Variants in COL23A1 observed in about 807,000 individuals in gnomAD.
The protein encoded by COL23A1 is collagen type XXIII alpha 1 chain.
A neutral mutation model predicts 99.3 loss-of-function variants in COL23A1; 97 were observed. That is an observed-to-expected ratio of 0.98 (90% confidence interval 0.83 to 1.16). The LOEUF (loss-of-function observed/expected upper bound fraction) is 1.16, where lower values mean the gene tolerates loss of function less well. Ranked by LOEUF, COL23A1 falls within the 50% of genes most tolerant of loss-of-function variation. COL23A1 has a pLI of 0.00. For synonymous variants in COL23A1, 320 were observed against 308.2 expected (o/e 1.04, Z -0.40); for missense variants, 762 against 757.4 (o/e 1.01, Z -0.07).
chr5:178,318,904 A>G (rs895181411), intron 2 of COL23A1, among the ~76,000 whole-genome samples: 6 of 148,788 alleles, frequency 4.0e-5, no homozygotes, highest in African/African-American at 1.5e-4. Context: ...TTCATCTCCA[A>G]AAAAAAAAAA....
chr5:178,564,828 A>T (rs1762765898), intron 1 of COL23A1, among the ~76,000 whole-genome samples: 2 of 152,262 alleles, frequency 1.3e-5, no homozygotes. Context: ...GAGGAAATAC[A>T]GATTGACATA....
intron 2 of COL23A1, among the ~76,000 whole-genome samples, chr5:178,463,228 G>A (rs1756223922): frequency 6.6e-6 from 1 of 152,240 alleles, no homozygotes; most frequent in African/African-American, 2.4e-5. Flanking sequence ...GGCTAGGTAA[G>A]ATGCAAGTAA....
intron 2 of COL23A1, among the ~76,000 whole-genome samples, chr5:178,489,459 A>T (rs371204305): frequency 6.6e-6 from 1 of 152,238 alleles, no homozygotes; most frequent in Non-Finnish European, 1.5e-5. Context: ...ACAGCCTGTC[A>T]TGGGACTTTG....
At chr5:178,300,722 T>TATTC (rs1757988224) in intron 3 of COL23A1, among the ~76,000 whole-genome samples, 1 of 23,622 alleles carries the variant, frequency 4.2e-5, no homozygotes, top group Non-Finnish European at 1.4e-4. Context: ...CTAGCTTTTG[T>TATTC]ATTTATTTAT....
At chr5:178,540,873 G>A (rs1761248014) in intron 2 of COL23A1, among the ~76,000 whole-genome samples, 1 of 152,174 alleles carries the variant, frequency 6.6e-6, no homozygotes, top group Non-Finnish European at 1.5e-5. Flanking sequence ...GCTCCAGCGG[G>A]CCATGTTCAC....
intron 2 of COL23A1, among the ~76,000 whole-genome samples, chr5:178,506,162 G>A (rs1193630544): frequency 8.5e-5 from 13 of 152,220 alleles, no homozygotes; most frequent in Admixed American, 1.3e-4. Context: ...GCTCTGGGCC[G>A]GCGCCGAATG....
At chr5:178,350,646 T>C (rs958566339) in intron 2 of COL23A1, among the ~76,000 whole-genome samples, 1 of 152,204 alleles carries the variant, frequency 6.6e-6, no homozygotes, top group African/African-American at 2.4e-5. Context: ...AATGACAGCA[T>C]TGAAGGCGGA....
In COL23A1 at chr5:178,454,969, C is replaced by T. The variant is rs187492448; in HGVS notation, c.361+105713G>A. Among the ~76,000 whole-genome samples, 807 of 152,342 alleles carry T rather than the reference C, an allele frequency of 5.3e-3. 3 individuals carry two copies. The highest frequency in any genetic ancestry group is 0.011 in the South Asian group (53 of 4,826). On this transcript the variant is annotated intron_variant, in intron 2 of 28. Coordinates refer to ENST00000390654, the MANE Select transcript of COL23A1 (RefSeq NM_173465.4). ...CCATCCCCTTCCCGGCCTGTGGAGGCGCCTGCCATCCTTGGTGTCCTTGGC... is the reference window on the plus strand; with the variant it reads ...CCATCCCCTTCCCGGCCTGTGGAGGTGCCTGCCATCCTTGGTGTCCTTGGC...
chr5:178,240,380 G>A (rs951887977), intron 27 of COL23A1, among the ~76,000 whole-genome samples: 3 of 152,184 alleles, frequency 2.0e-5, no homozygotes, highest in Admixed American at 2.0e-4. Flanking sequence ...GAGGAAGGCC[G>A]GGGCAGAGCC....
intron 2 of COL23A1, among the ~76,000 whole-genome samples, chr5:178,549,569 A>G (rs1761894543): frequency 6.6e-6 from 1 of 152,110 alleles, no homozygotes; most frequent in East Asian, 1.9e-4. Flanking sequence ...TAATCCCATC[A>G]CTTTGGGAGG....
At chr5:178,522,311 A>C (rs776310175) in intron 2 of COL23A1, among the ~76,000 whole-genome samples, 2 of 152,158 alleles carry the variant, frequency 1.3e-5, no homozygotes, top group African/African-American at 4.8e-5. Flanking sequence ...CCTTTGGAAA[A>C]CAACCAACCT....
intron 2 of COL23A1, among the ~76,000 whole-genome samples, chr5:178,557,957 C>G (rs919977355): frequency 2.6e-5 from 4 of 151,890 alleles, no homozygotes; most frequent in Non-Finnish European, 4.4e-5. Context: ...TCATGCTGCA[C>G]CCCAAGGCCA....
At chr5:178,278,586 C>A (rs367814041) in intron 5 of COL23A1, among the ~76,000 whole-genome samples, 3 of 152,156 alleles carry the variant, frequency 2.0e-5, no homozygotes, top group Non-Finnish European at 4.4e-5. Flanking sequence ...CGGCTGCAAG[C>A]GTCAGTGAGC....
At chr5:178,397,640 C>T (rs1484134011) in intron 2 of COL23A1, among the ~76,000 whole-genome samples, 1 of 152,204 alleles carries the variant, frequency 6.6e-6, no homozygotes, top group African/African-American at 2.4e-5. Context: ...TTATCTGTGC[C>T]TGTAATAATG....
chr5:178,452,438 G>A (rs548217288), intron 2 of COL23A1, among the ~76,000 whole-genome samples: 1 of 152,294 alleles, frequency 6.6e-6, no homozygotes, highest in African/African-American at 2.4e-5. Flanking sequence ...AGTTTGCAGT[G>A]ATGAGAATCT....
chr5:178,355,571 T>A (rs2973800), intron 2 of COL23A1, among the ~76,000 whole-genome samples: 1 of 152,028 alleles, frequency 6.6e-6, no homozygotes, highest in Admixed American at 6.5e-5. Flanking sequence ...CTTGCTCTGT[T>A]GCCCAGGCTG....
intron 2 of COL23A1, among the ~76,000 whole-genome samples, chr5:178,480,469 G>A (rs1279787205): frequency 1.3e-5 from 2 of 152,154 alleles, no homozygotes; most frequent in African/African-American, 4.8e-5. Flanking sequence ...CCTCCCACCC[G>A]CAAGCCCATC....
intron 2 of COL23A1, among the ~76,000 whole-genome samples, chr5:178,355,524 GAAAA>G (rs1761592328): frequency 6.6e-6 from 1 of 152,184 alleles, no homozygotes; most frequent in Admixed American, 6.5e-5. Flanking sequence ...AATTTATAAA[GAAAA>G]GAGGTTTGTT....
chr5:178,499,073 G>A (rs1758386550), intron 2 of COL23A1, among the ~76,000 whole-genome samples: 1 of 152,164 alleles, frequency 6.6e-6, no homozygotes, highest in Non-Finnish European at 1.5e-5. Context: ...CTCAGTGACA[G>A]AGTGAGATTC....
Sources: gnomAD v4.1 joint callset for allele counts (sites outside exome capture counted in the v4.1 genomes callset) on GRCh38, gnomAD v4.1.1 for gene constraint, MANE v1.5 for transcripts, NCBI Gene and HGNC (gene_info 2026-07-23, HGNC 2026-07-21) for gene names.